YBX1: variants seen among roughly 807,000 people sequenced by gnomAD.
The protein encoded by YBX1 is Y-box-binding protein 1.
A neutral mutation model predicts 41.4 loss-of-function variants in YBX1; 3 were observed. The ratio of observed to expected loss-of-function variants is 0.07; its 90% CI spans 0.03 to 0.19. YBX1 has a LOEUF of 0.19. Ranked by LOEUF, YBX1 falls within the 10% of genes least tolerant of loss-of-function variation. YBX1 has a pLI of 1.00. For synonymous variants in YBX1, 133 were observed against 165.8 expected, an observed-to-expected ratio of 0.80 and a Z score of 1.52; for missense variants, 274 against 462.8, an observed-to-expected ratio of 0.59 and a Z score of 3.74.
intron 3 of YBX1, among the ~76,000 whole-genome samples, chr1:42,695,277 A>G (rs1467963318): frequency 6.6e-6 from 1 of 152,208 alleles, no homozygotes; most frequent in Admixed American, 6.5e-5. Context: ...TCTCCTCTGC[A>G]ATGGAAATGC....
chr1:42,698,337 T>A (rs1557534848), intron 6 of YBX1, among the ~76,000 whole-genome samples: 1 of 152,206 alleles, frequency 6.6e-6, no homozygotes, highest in Non-Finnish European at 1.5e-5. Flanking sequence ...AGTTTTCAGT[T>A]AAAAGAGCTG....
chr1:42,700,642 T>TG, intron 6 of YBX1, 139 bp from the exon 7 acceptor site: 1 of 310,268 alleles, frequency 3.2e-6, no homozygotes, highest in Non-Finnish European at 5.5e-6. Context: ...ACCCATCTCT[T>TG]TACACAAATT....
chr1:42,683,511 C>G (rs371791391), intron 2 of YBX1, 45 bp downstream of exon 2: 445 of 1,609,292 alleles, frequency 2.8e-4, no homozygotes, highest in Admixed American at 4.0e-4. Flanking sequence ...TTCTTGCTTG[C>G]TTCCTGCTCT....
rs370703218 is a variant in YBX1, at chr1:42,697,259, G to T, written c.737G>T (p.Arg246Leu). 3 of 1,613,666 alleles carry T rather than the reference G, an allele frequency of 1.9e-6. No individual in the cohort carries two copies. Among genetic ancestry groups the T allele is most frequent in the East Asian group, 2.2e-5 (1 of 44,866 alleles). The change falls in exon 6 of 8, where the codon CGC becomes CTC. Residue 246 changes from arginine to leucine, a missense_variant. This residue lies in a region of YBX1 where 187 missense variants were observed against 306.3 expected (regional missense o/e 0.61). Coordinates refer to ENST00000321358, the MANE Select transcript of YBX1 (RefSeq NM_004559.5). Reference protein sequence around the residue: ...NMYRGYRPRFRRGPPRQRQPR... With the variant: ...NMYRGYRPRFLRGPPRQRQPR... ...TATCGGGGATATAGACCACGATTCCGCAGGTATGGTCCACGTAAACATGTT... is the reference window on the plus strand; with the variant it reads ...TATCGGGGATATAGACCACGATTCCTCAGGTATGGTCCACGTAAACATGTT...
At chr1:42,691,218 G>C in intron 2 of YBX1, among the ~76,000 whole-genome samples, 1 of 152,202 alleles carries the variant, frequency 6.6e-6, no homozygotes, top group East Asian at 1.9e-4. Flanking sequence ...CCCTGGCTAA[G>C]TATTCCTTTT....
At chr1:42,686,749 C>T (rs1345186546) in intron 2 of YBX1, among the ~76,000 whole-genome samples, 1 of 152,176 alleles carries the variant, frequency 6.6e-6, no homozygotes, top group East Asian at 1.9e-4. Context: ...ATAGTAAGTG[C>T]TTAAAATGAG....
chr1:42,695,867 GA>G (rs1650445446), intron 3 of YBX1, among the ~76,000 whole-genome samples: 1 of 152,202 alleles, frequency 6.6e-6, no homozygotes, highest in African/African-American at 2.4e-5. Context: ...GTCCTCAGGG[GA>G]TAGATGGATA....
At chr1:42,693,441 T>G in intron 2 of YBX1, 49 bp from the exon 3 acceptor site, 269 of 1,598,226 alleles carry the variant, frequency 1.7e-4, no homozygotes, top group Non-Finnish European at 2.1e-4. Flanking sequence ...TTTGACAACA[T>G]GAGATTTATT....
At position 42,683,455 on chromosome 1, in the gene YBX1, T is replaced by C. The variant is rs764447569; in HGVS notation, c.219T>C (p.Gly73=). ...VKWFNVRNGY[G]FINRNDTKED... The stretch of plus-strand genomic sequence containing the variant: ...GGTTCAATGTAAGGAACGGATATGG[T>C]TTCATCAACAGGTGAGCTGCCGGGC... Residue 73 remains glycine (G), a synonymous_variant, in exon 2 of 8, where the codon GGT becomes GGC. Coordinates refer to ENST00000321358, the MANE Select transcript of YBX1 (RefSeq NM_004559.5). 1.9e-6 allele frequency: 3 copies of C among 1,613,746 alleles called. No homozygotes were observed. The highest frequency in any genetic ancestry group is 2.5e-6 in the Non-Finnish European group (3 of 1,180,024).
chr1:42,693,481 G>A lies in YBX1; in HGVS notation c.231-9G>A, dbSNP rs144302481. On this transcript the variant is annotated splice_polypyrimidine_tract_variant and intron_variant, in intron 2 of 7. Transcript: ENST00000321358. ...TTTCTAACTTGTTCAACTTGGTTCT[G>A]TCTTGCAGGAATGACACCAAGGAAG... 5.0e-6 allele frequency: 8 copies of A among 1,613,526 alleles called. 1 individual carries two copies. In the South Asian group the frequency reaches 8.8e-5, roughly 18 times the overall value.
intron 2 of YBX1, among the ~76,000 whole-genome samples, chr1:42,691,472 T>C (rs956788214): frequency 1.3e-5 from 2 of 152,158 alleles, no homozygotes; most frequent in Non-Finnish European, 2.9e-5. Context: ...GCCCGGCTAA[T>C]TTTTTATTTT....
Position 42,696,613 on chromosome 1 carries a change from T to C in YBX1, c.355-29T>C, listed in dbSNP as rs763961951. The C allele has an allele frequency of 2.3e-5, 33 of 1,464,140 alleles. No individual in the cohort carries two copies. Among genetic ancestry groups the C allele is most frequent in the Non-Finnish European group, 9.1e-7 (1 of 1,101,070 alleles). 90.7% of individuals were successfully genotyped at this position (1,464,140 alleles called of 1,614,324 possible). On this transcript the variant is annotated intron_variant, in intron 4 of 7. Coordinates refer to ENST00000321358, the MANE Select transcript of YBX1 (RefSeq NM_004559.5). The surrounding 1 kb of genome is among the most constrained non-coding windows in gnomAD (Gnocchi z 5.7). ...GTTGAAAGTGTTCTGATTTCCTTTG[T>C]CACTATCAATATGTAATGGCTTTTG...
At position 42,685,795 on chromosome 1, in the gene YBX1, C is replaced by T. The variant is rs538160656; in HGVS notation, c.230+2329C>T. On this transcript the variant is annotated intron_variant, in intron 2 of 7. Coordinates refer to ENST00000321358, the MANE Select transcript of YBX1 (RefSeq NM_004559.5). Reference sequence around the variant, plus strand: ...TTTTCTGCCTTTAAAGACATAATTTCATTGTAAATGTGTTTATTCCAGCCT... The same window carrying T: ...TTTTCTGCCTTTAAAGACATAATTTTATTGTAAATGTGTTTATTCCAGCCT... 4.1e-4 allele frequency among the ~76,000 whole-genome samples: 63 copies of T among 152,240 alleles called. No homozygotes were observed. In the South Asian group the frequency reaches 4.2e-3, roughly 10 times the overall value.
intron 3 of YBX1, among the ~76,000 whole-genome samples, chr1:42,694,717 C>G (rs1455753775): frequency 1.3e-5 from 2 of 152,136 alleles, no homozygotes. Flanking sequence ...CATTTAAATT[C>G]TAAATGTAAA....
chr1:42,697,384 A>T (rs1650488122), intron 6 of YBX1, 122 bp downstream of exon 6: 1 of 931,906 alleles, frequency 1.1e-6, no homozygotes, highest in African/African-American at 1.7e-5. Flanking sequence ...CTTTCATCAG[A>T]TGCCTAAGAG....
chr1:42,700,872 C>G lies in YBX1; in HGVS notation c.832C>G (p.Gln278Glu), dbSNP rs1292296586. ...GDETQGQQPP[Q>E]RRYRRNFNYR... ...TGAGACCCAAGGTCAGCAGCCACCT[C>G]AACGTCGGTACCGCCGCAACTTCAA... Residue 278 changes from glutamine (Q) to glutamate (E), a missense_variant, in exon 7 of 8, where the codon CAA (glutamine) becomes GAA (glutamate). By Grantham distance (29) the Gln-to-Glu change is conservative. Around this residue, in one of 3 missense-constraint regions of YBX1, gnomAD observed 187 missense variants for 306.3 expected, o/e 0.61. Transcript: ENST00000321358. The G allele has an allele frequency of 1.2e-6, 2 of 1,613,772 alleles. No individual in the cohort carries two copies. Among genetic ancestry groups the G allele is most frequent in the African/African-American group, 2.7e-5 (2 of 74,916 alleles).
chr1:42,697,310 G>A (rs777818087), intron 6 of YBX1, 48 bp downstream of exon 6: 1 of 1,583,012 alleles, frequency 6.3e-7, no homozygotes, highest in Admixed American at 1.8e-5. Context: ...TCAAACCCGT[G>A]TTAGGACTCA....
chr1:42,685,157 A>T (rs1014706022), intron 2 of YBX1, among the ~76,000 whole-genome samples: 1 of 152,206 alleles, frequency 6.6e-6, no homozygotes, highest in African/African-American at 2.4e-5. Flanking sequence ...ATTTTTTTTA[A>T]GTAGGCATAG....
In YBX1 at chr1:42,696,355, G is replaced by A. The variant is rs766109215; in HGVS notation, c.354+67G>A. 17 of 1,520,370 alleles carry A rather than the reference G, an allele frequency of 1.1e-5. No individual in the cohort carries two copies. The highest frequency in any genetic ancestry group is 3.4e-4 in the Middle Eastern group (2 of 5,828). 94.2% of individuals were successfully genotyped at this position (1,520,370 alleles called of 1,614,324 possible). A position where few individuals can be genotyped will look rare whatever the true frequency, so the allele number is the denominator to read the frequency against. Reference sequence around the variant, plus strand: ...AATATTTTGGAGGTCTCATCCATTAGGATGGTGGCTCTAATGTGGATGGAT... The same window carrying A: ...AATATTTTGGAGGTCTCATCCATTAAGATGGTGGCTCTAATGTGGATGGAT... On this transcript the variant is annotated intron_variant, in intron 4 of 7. Coordinates refer to ENST00000321358, the MANE Select transcript of YBX1 (RefSeq NM_004559.5). This position sits in a 1 kb window ranked among gnomAD's most constrained non-coding sequence, Gnocchi z 5.7.
Sources: gnomAD v4.1 joint callset for allele counts (sites outside exome capture counted in the v4.1 genomes callset) on GRCh38, gnomAD v4.1.1 for gene constraint, gnomAD v4.1.1 regional missense constraint, Gnocchi (gnomAD v3.1) non-coding constraint, MANE v1.5 for transcripts, NCBI Gene and HGNC (gene_info 2026-07-23, HGNC 2026-07-21) for gene names.